MRPS2: variants seen among roughly 807,000 people sequenced by gnomAD.
MRPS2 encodes small ribosomal subunit protein uS2m.
Under a neutral mutation model 18.9 loss-of-function variants are expected in MRPS2, and 13 were observed. The observed-to-expected ratio is 0.69, with a 90% CI of 0.45 to 1.09. MRPS2 has a LOEUF of 1.09. Ranked by LOEUF, MRPS2 falls within the 50% of genes least tolerant of loss-of-function variation. The pLI, the probability that MRPS2 is intolerant of heterozygous loss-of-function variation, is 0.00. For missense variants in MRPS2, 389 were observed against 421.7 expected (o/e 0.92, Z 0.68); for synonymous variants, 186 against 178.4 (o/e 1.04, Z -0.34).
rs3748200 is a variant in MRPS2 at position 135,504,274 on chromosome 9, A to T, written c.*141A>T. On this transcript the variant is annotated 3_prime_UTR_variant, in exon 4 of 4. Coordinates refer to ENST00000241600, the MANE Select transcript of MRPS2 (RefSeq NM_016034.5). This position sits in a 1 kb window ranked among gnomAD's most constrained non-coding sequence, Gnocchi z 4.3. ...CAGTGCAGACATCCACCGTTCCACC[A>T]CAGAACCAGTGGCTGAGCGGACCAA... is the stretch of plus-strand genomic sequence containing the variant. 0.08 allele frequency: 66,084 copies of T among 821,878 alleles called. 4,515 individuals carry two copies. Among genetic ancestry groups the T allele is most frequent in the African/African-American group, 0.3 (17,242 of 57,518 alleles). 50.9% of individuals were successfully genotyped at this position (821,878 alleles called of 1,614,324 possible). A position where few individuals can be genotyped will look rare whatever the true frequency, so the allele number is the denominator to read the frequency against.
upstream of MRPS2, chr9:135,500,673 G>C (rs1218024190): frequency 5.5e-6 from 8 of 1,449,560 alleles, 1 homozygote; most frequent in South Asian, 1.1e-4. Context: ...GCTCGGCCTG[G>C]CCTGGAGGGA....
rs368466713 is a variant in MRPS2 at position 135,504,032 on chromosome 9, C to T, written c.790C>T (p.Arg264Trp). ...QTAITRAKEKRQQVEALYRLQ... is the reference protein window; with the variant it reads ...QTAITRAKEKWQQVEALYRLQ... ...GGCCATCACCCGGGCCAAGGAGAAGCGGCAGCAGGTTGAGGCTCTCTATCG... is the reference window on the plus strand; with the variant it reads ...GGCCATCACCCGGGCCAAGGAGAAGTGGCAGCAGGTTGAGGCTCTCTATCG... The change falls in exon 4 of 4, where the codon CGG becomes TGG. Residue 264 changes from arginine (R) to tryptophan (W), a missense_variant. Arg to Trp is a moderately radical substitution (Grantham distance 101). Transcript: ENST00000241600. This position sits in a 1 kb window ranked among gnomAD's most constrained non-coding sequence, Gnocchi z 4.3. 15 of 1,613,218 alleles carry T rather than the reference C, an allele frequency of 9.3e-6. No homozygotes were observed. The highest frequency in any genetic ancestry group is 5.3e-5 in the African/African-American group (4 of 74,928).
chr9:135,503,679 G>T lies in MRPS2; in HGVS notation c.437G>T (p.Ser146Ile). 1 of 1,613,764 alleles carries T rather than the reference G, an allele frequency of 6.2e-7. No individual in the cohort carries two copies. Among genetic ancestry groups the T allele is most frequent in the Non-Finnish European group, 8.5e-7 (1 of 1,180,032 alleles). The part of the protein sequence containing the change: ...AYRKGIILFI[S>I]RNRQFSYLIE... ...CGCAAGGGCATCATCTTGTTTATAAGCCGCAACCGGCAGTTCTCGTACCTG... is the reference window on the plus strand; with the variant it reads ...CGCAAGGGCATCATCTTGTTTATAATCCGCAACCGGCAGTTCTCGTACCTG... Residue 146 changes from serine to isoleucine, a missense_variant, in exon 4 of 4, where the codon AGC becomes ATC. Physicochemically the swap from Ser to Ile is moderately radical, Grantham distance 142. Coordinates refer to ENST00000241600, the MANE Select transcript of MRPS2 (RefSeq NM_016034.5).
At chr9:135,500,058 G>A, upstream of MRPS2, 1 of 578,300 alleles carries the variant, frequency 1.7e-6, no homozygotes, top group Non-Finnish European at 2.9e-6. Flanking sequence ...CGTCGTGTGA[G>A]GCAGCCCCAG....
intron 2 of MRPS2, 133 bp downstream of exon 2, chr9:135,501,256 C>T: frequency 7.0e-7 from 1 of 1,432,668 alleles, no homozygotes; most frequent in Non-Finnish European, 9.1e-7. Flanking sequence ...CTCCCACTCC[C>T]GTGCTCGCCG....
At chr9:135,501,439 TG>T in intron 2 of MRPS2, 1 of 1,033,858 alleles carries the variant, frequency 9.7e-7, no homozygotes. Context: ...CCAAGTGACC[TG>T]GGGGCACTGG....
At position 135,504,125 on chromosome 9, in the gene MRPS2, T is replaced by C; in HGVS notation, c.883T>C (p.Ser295Pro). Residue 295 changes from serine to proline, a missense_variant, in exon 4 of 4, where the codon TCC becomes CCC. By Grantham distance (74) the Ser-to-Pro change is moderately conservative (BLOSUM62 -1). Transcript: ENST00000241600. The surrounding 1 kb of genome is among the most constrained non-coding windows in gnomAD (Gnocchi z 4.3). ...CCCTCCTGGGGCTGACATGAGCCAT[T>C]CCCTGTGATGTTCACTCTCCTCCCA... Reference protein sequence around the residue: ...AHPPGADMSHSL With the variant: ...AHPPGADMSHPL 1 of 1,599,860 alleles carries C rather than the reference T, an allele frequency of 6.3e-7. No individual in the cohort carries two copies. Among genetic ancestry groups the C allele is most frequent in the African/African-American group, 1.3e-5 (1 of 74,698 alleles).
rs746131521 is a variant in MRPS2, at chr9:135,504,175, T to C, written c.*42T>C. 6.7e-7 allele frequency: 1 copy of C among 1,503,462 alleles called. No homozygotes were observed. The highest frequency in any genetic ancestry group is 8.9e-7 in the Non-Finnish European group (1 of 1,128,542). 93.1% of individuals were successfully genotyped at this position (1,503,462 alleles called of 1,614,324 possible). Reference sequence around the variant, plus strand: ...AAAGCAAACCACAGCCAAGCCTGTCTGAGCTGGGAGTCCCCTTCCCCAGCC... The same window carrying C: ...AAAGCAAACCACAGCCAAGCCTGTCCGAGCTGGGAGTCCCCTTCCCCAGCC... On this transcript the variant is annotated 3_prime_UTR_variant, in exon 4 of 4. Transcript: ENST00000241600. The surrounding 1 kb of genome is among the most constrained non-coding windows in gnomAD (Gnocchi z 4.3).
rs749230009 is a variant in MRPS2, at chr9:135,500,751, C to T, written c.41C>T (p.Ala14Val). The stretch of plus-strand genomic sequence containing the variant: ...GCCGCGCTGCCCCGAATACTCGGCG[C>T]GGGTGAGCGCGCGCTTGCGGGACCC... The part of the protein sequence containing the change: ...SSAALPRILG[A>V]GARAPSRWLG... The change falls in exon 1 of 4, where the codon GCG becomes GTG. Residue 14 changes from alanine to valine, a missense_variant and splice_region_variant. Transcript: ENST00000241600. The T allele has an allele frequency of 9.5e-6, 14 of 1,478,424 alleles. No homozygotes were observed. The highest frequency in any genetic ancestry group is 1.4e-5 in the African/African-American group (1 of 69,294). 91.6% of individuals were successfully genotyped at this position (1,478,424 alleles called of 1,614,324 possible).
intron 3 of MRPS2, chr9:135,503,265 C>T (rs1831193507): frequency 2.3e-6 from 3 of 1,300,662 alleles, no homozygotes; most frequent in African/African-American, 1.5e-5. Context: ...TGGATGTCCA[C>T]ACATCCATAT....
At position 135,503,873 on chromosome 9, in the gene MRPS2, G is replaced by A; in HGVS notation, c.631G>A (p.Asp211Asn). 6.2e-7 allele frequency: 1 copy of A among 1,614,016 alleles called. No homozygotes were observed. The highest frequency in any genetic ancestry group is 8.5e-7 in the Non-Finnish European group (1 of 1,180,046). The change falls in exon 4 of 4, where the codon GAC (aspartate) becomes AAC (asparagine). Residue 211 changes from aspartate to asparagine, a missense_variant. Transcript: ENST00000241600. Reference sequence around the variant, plus strand: ...CTTTGAGCCACACGTGGCCGTGAGAGACGCAGCCAAGATGAACATCCCCAC... The same window carrying A: ...CTTTGAGCCACACGTGGCCGTGAGAAACGCAGCCAAGATGAACATCCCCAC... ...NIFEPHVAVR[D>N]AAKMNIPTVG... is the part of the protein sequence containing the mutation.
At position 135,500,900 on chromosome 9, in the gene MRPS2, C is replaced by T. The variant is rs952075221; in HGVS notation, c.44-98C>T. ...GGAGGGCGCGGGGACGCGGAGGGGACCCGTTAGGGACGCGGAGGGGCCCGT... is the reference window on the plus strand; with the variant it reads ...GGAGGGCGCGGGGACGCGGAGGGGATCCGTTAGGGACGCGGAGGGGCCCGT... On this transcript the variant is annotated intron_variant, in intron 1 of 3. Coordinates refer to ENST00000241600, the MANE Select transcript of MRPS2 (RefSeq NM_016034.5). 62 of 1,569,540 alleles carry T rather than the reference C, an allele frequency of 4.0e-5. 1 individual carries two copies. In the East Asian group the frequency reaches 1.4e-3, roughly 36 times the overall value.
At position 135,504,016 on chromosome 9, in the gene MRPS2, C is replaced by A; in HGVS notation, c.774C>A (p.Thr258=). The change falls in exon 4 of 4, where the codon ACC becomes ACA. Residue 258 remains threonine, a synonymous_variant. Coordinates refer to ENST00000241600, the MANE Select transcript of MRPS2 (RefSeq NM_016034.5). The surrounding 1 kb of genome is among the most constrained non-coding windows in gnomAD (Gnocchi z 4.3). ...GCAGGCTCTTCCAGACGGCCATCAC[C>A]CGGGCCAAGGAGAAGCGGCAGCAGG... ...LYCRLFQTAI[T]RAKEKRQQVE... 1 of 1,613,504 alleles carries A rather than the reference C, an allele frequency of 6.2e-7. No individual in the cohort carries two copies. The highest frequency in any genetic ancestry group is 8.5e-7 in the Non-Finnish European group (1 of 1,180,042).
chr9:135,501,734 C>T, intron 2 of MRPS2, 110 bp from the exon 3 acceptor site: 1 of 1,532,624 alleles, frequency 6.5e-7, no homozygotes, highest in Non-Finnish European at 8.8e-7. Flanking sequence ...CGGCTCCCCA[C>T]CTCGGTGTCA....
At chr9:135,503,473 C>CCA (rs1831198788) in intron 3 of MRPS2, 69 bp from the exon 4 acceptor site, 1 of 1,496,384 alleles carries the variant, frequency 6.7e-7, no homozygotes, top group Non-Finnish European at 9.0e-7. Context: ...CGTCTGTGTT[C>CCA]CTGCAAGGAG....
At position 135,501,929 on chromosome 9, in the gene MRPS2, C is replaced by T. The variant is rs757877647; in HGVS notation, c.255C>T (p.Phe85=). The part of the protein sequence containing the change: ...VKELFSVRSL[F]DARVHLGHKA... ...AACTGTTTTCCGTGAGAAGCCTCTT[C>T]GATGCCCGAGTCCATCTGGGACACA... The change falls in exon 3 of 4, where the codon TTC becomes TTT. Residue 85 remains phenylalanine (F), a synonymous_variant. Coordinates refer to ENST00000241600, the MANE Select transcript of MRPS2 (RefSeq NM_016034.5). The T allele has an allele frequency of 3.7e-6, 6 of 1,613,808 alleles. No homozygotes were observed. Among genetic ancestry groups the T allele is most frequent in the South Asian group, 3.3e-5 (3 of 91,086 alleles).
At chr9:135,501,284 A>AC in intron 2 of MRPS2, 161 bp downstream of exon 2, 1 of 1,424,256 alleles carries the variant, frequency 7.0e-7, no homozygotes, top group Non-Finnish European at 9.1e-7. Context: ...GTCCTGCCTG[A>AC]CGTAGCACAG....
intron 3 of MRPS2, 182 bp downstream of exon 3, chr9:135,502,155 CG>C: frequency 1.4e-6 from 2 of 1,403,860 alleles, no homozygotes; most frequent in Non-Finnish European, 1.9e-6. Context: ...GCTTGGCGGA[CG>C]CTCTTGTGTG....
chr9:135,501,705 C>T (rs1831142512), intron 2 of MRPS2, 139 bp from the exon 3 acceptor site: 3 of 1,487,736 alleles, frequency 2.0e-6, no homozygotes, highest in East Asian at 2.4e-5. Flanking sequence ...CCAGGTCTTT[C>T]CTGGGGCTGC....
Sources: allele counts gnomAD v4.1 joint callset, GRCh38; gene constraint gnomAD v4.1.1; non-coding constraint Gnocchi (gnomAD v3.1); transcripts MANE v1.5; gene names NCBI Gene and HGNC (gene_info 2026-07-23, HGNC 2026-07-21).